The following KIF11 variants were observed in gnomAD, a reference collection of about 807,000 sequenced individuals.
KIF11 encodes kinesin-like protein KIF11.
A neutral mutation model predicts 121.0 loss-of-function variants in KIF11; 9 were observed. That is an observed-to-expected ratio of 0.07 (90% confidence interval 0.04 to 0.13). The LOEUF (loss-of-function observed/expected upper bound fraction) is 0.13, where lower values mean the gene tolerates loss of function less well. Ranked by LOEUF, KIF11 falls within the 10% of genes least tolerant of loss-of-function variation. The probability of loss-of-function intolerance (pLI) is 1.00; values close to 1 mark genes in which losing one functional copy is unlikely to be tolerated. For missense variants in KIF11, 846 were observed against 1,217.5 expected, an observed-to-expected ratio of 0.69 and a Z score of 4.54; for synonymous variants, 408 against 421.0, an observed-to-expected ratio of 0.97 and a Z score of 0.38.
chr10:92,630,893 G>T (rs1257860839), intron 12 of KIF11, among the ~76,000 whole-genome samples: 7 of 141,504 alleles, frequency 4.9e-5, no homozygotes, highest in Non-Finnish European at 1.1e-4. Flanking sequence ...AAAGAAAATA[G>T]AACATAACTT....
intron 1 of KIF11, among the ~76,000 whole-genome samples, chr10:92,596,189 G>T (rs1844293846): frequency 6.6e-6 from 1 of 152,174 alleles, no homozygotes; most frequent in African/African-American, 2.4e-5. Flanking sequence ...ATTTTTAGTA[G>T]AGACGGGGTT....
chr10:92,596,916 C>G (rs940331488), intron 1 of KIF11: 2 of 273,278 alleles, frequency 7.3e-6, no homozygotes, highest in African/African-American at 2.3e-5. Context: ...GCAGCCTGTT[C>G]TGTGCTATGT....
chr10:92,620,175 G>C (rs901500484), intron 9 of KIF11, among the ~76,000 whole-genome samples: 3 of 151,104 alleles, frequency 2.0e-5, no homozygotes, highest in Non-Finnish European at 4.4e-5. Context: ...TCACCTCCTG[G>C]GTTCACACCA....
intron 1 of KIF11, among the ~76,000 whole-genome samples, chr10:92,595,500 G>T (rs999694824): frequency 6.6e-6 from 1 of 151,952 alleles, no homozygotes; most frequent in African/African-American, 2.4e-5. Flanking sequence ...TACATAATGC[G>T]CTACTGGTTC....
chr10:92,611,865 C>T lies in KIF11; in HGVS notation c.699-1175C>T, dbSNP rs183267704. Among the ~76,000 whole-genome samples, 3 of 152,244 alleles carry T rather than the reference C, an allele frequency of 2.0e-5. No homozygotes were observed. In the East Asian group the frequency reaches 5.8e-4, roughly 29 times the overall value. ...AGTGAGCTGAGATCATGCCATTGCA[C>T]TCTAGCCTGGGCAATAAGTCTCAAA... On this transcript the variant is annotated intron_variant, in intron 6 of 21. Transcript: ENST00000260731.
intron 14 of KIF11, among the ~76,000 whole-genome samples, chr10:92,634,130 C>T (rs1844769186): frequency 6.6e-6 from 1 of 151,576 alleles, no homozygotes; most frequent in African/African-American, 2.4e-5. Flanking sequence ...ACTACAGGCG[C>T]CCACCACCAC....
chr10:92,610,533 G>C (rs189572007), intron 6 of KIF11, among the ~76,000 whole-genome samples: 6 of 152,150 alleles, frequency 3.9e-5, no homozygotes, highest in African/African-American at 1.4e-4. Context: ...AAACAGAAGT[G>C]GTTTTTTTGT....
At chr10:92,608,737 G>A (rs1395889236) in intron 4 of KIF11, among the ~76,000 whole-genome samples, 2 of 152,060 alleles carry the variant, frequency 1.3e-5, no homozygotes, top group African/African-American at 2.4e-5. Context: ...GTGCCTGGCC[G>A]AACTTGGCTT....
In KIF11 at chr10:92,649,545, A is replaced by G. The variant is rs192271581; in HGVS notation, c.2771-290A>G. The stretch of plus-strand genomic sequence containing the variant: ...ATAATGCTGCCATTTTTTTCAGAAC[A>G]CTATAACTCCTTTTAGAGCTTATAA... On this transcript the variant is annotated intron_variant, in intron 19 of 21. Transcript: ENST00000260731. Among the ~76,000 whole-genome samples the G allele has an allele frequency of 1.4e-3, 220 of 152,276 alleles. 1 individual carries two copies. Among genetic ancestry groups the G allele is most frequent in the Non-Finnish European group, 2.4e-3 (160 of 68,018 alleles).
At chr10:92,638,171 T>G (rs1476610384) in intron 16 of KIF11, among the ~76,000 whole-genome samples, 1 of 152,228 alleles carries the variant, frequency 6.6e-6, no homozygotes, top group African/African-American at 2.4e-5. Flanking sequence ...TCTAAAGTTT[T>G]ATTAAATGAG....
At chr10:92,648,503 G>A (rs1844945375) in intron 19 of KIF11, 69 bp downstream of exon 19, 2 of 998,362 alleles carry the variant, frequency 2.0e-6, no homozygotes, top group South Asian at 3.5e-5. Context: ...AGTGTCAGAT[G>A]TTCAGAAAAA....
rs766343259 is a variant in KIF11 at position 92,609,050 on chromosome 10, C to T, written c.418C>T (p.Leu140Phe). ...DPLAGIIPRT[L>F]HQIFEKLTDN... Reference sequence around the variant, plus strand: ...CTTGGCTGGTATAATTCCACGTACCCTTCATCAAATTTTTGAGAAACTTAC... The same window carrying T: ...CTTGGCTGGTATAATTCCACGTACCTTTCATCAAATTTTTGAGAAACTTAC... The change falls in exon 5 of 22, where the codon CTT becomes TTT. Residue 140 changes from leucine to phenylalanine, a missense_variant. Around this residue, in one of 5 missense-constraint regions of KIF11, gnomAD observed 140 missense variants for 193.5 expected, o/e 0.72. Coordinates refer to ENST00000260731, the MANE Select transcript of KIF11 (RefSeq NM_004523.4). 1.8e-5 allele frequency: 29 copies of T among 1,587,780 alleles called. No individual in the cohort carries two copies. In the Admixed American group the frequency reaches 5.1e-4, roughly 28 times the overall value.
At chr10:92,604,701 G>A (rs1216258145) in intron 1 of KIF11, among the ~76,000 whole-genome samples, 1 of 152,050 alleles carries the variant, frequency 6.6e-6, no homozygotes, top group Non-Finnish European at 1.5e-5. Flanking sequence ...AGTGATAAGG[G>A]GGAAATAATT....
At chr10:92,593,607 GT>G (rs1004042468) in intron 1 of KIF11, among the ~76,000 whole-genome samples, 155 bp downstream of exon 1, 2 of 152,208 alleles carry the variant, frequency 1.3e-5, no homozygotes, top group African/African-American at 4.8e-5. Context: ...CCCGGTTGCT[GT>G]GTGTATGTGG....
rs980260263 is a variant in KIF11, at chr10:92,653,966, T to C, written c.*170T>C. 6.3e-6 allele frequency: 3 copies of C among 477,450 alleles called. No individual in the cohort carries two copies. The highest frequency in any genetic ancestry group is 5.9e-5 in the African/African-American group (3 of 50,686). The allele number at this position is 477,450 out of a possible 1,614,324, so 29.6% of individuals were successfully genotyped here. ...TGGGAGGCTGAGGCGGGTGGATTGC[T>C]TGAGCCCAGGAGTTTGAGACCAGCC... is the stretch of plus-strand genomic sequence containing the variant. On this transcript the variant is annotated 3_prime_UTR_variant, in exon 22 of 22. Coordinates refer to ENST00000260731, the MANE Select transcript of KIF11 (RefSeq NM_004523.4).
Position 92,645,400 on chromosome 10 carries a change from A to G in KIF11, c.2305A>G (p.Ser769Gly), listed in dbSNP as rs771158445. The change falls in exon 18 of 22, where the codon AGT becomes GGT. Residue 769 changes from serine to glycine, a missense_variant. Around this residue, in one of 5 missense-constraint regions of KIF11, gnomAD observed 492 missense variants for 603.4 expected, o/e 0.82. Transcript: ENST00000260731. ...KDIVNKMTFH[S>G]QKFCADSDGF... ...TATAGTCAACAAAATGACTTTTCAC[A>G]GTCAAAAATTTTGTGCTGATTCTGA... 1.9e-6 allele frequency: 3 copies of G among 1,612,622 alleles called. No individual in the cohort carries two copies. The highest frequency in any genetic ancestry group is 2.2e-5 in the South Asian group (2 of 90,872).
intron 10 of KIF11, among the ~76,000 whole-genome samples, chr10:92,621,705 G>A (rs867848639): frequency 5.9e-5 from 9 of 152,086 alleles, no homozygotes; most frequent in African/African-American, 1.9e-4. Flanking sequence ...GGGCTCAAGC[G>A]ATCCTCCTGC....
rs941733376 is a variant in KIF11 at position 92,621,351 on chromosome 10, C to T, written c.1129-34C>T. 22 of 1,330,978 alleles carry T rather than the reference C, an allele frequency of 1.7e-5. No individual in the cohort carries two copies. The Admixed American group carries it at 2.7e-4, about 16-fold the overall frequency. 82.4% of individuals were successfully genotyped at this position (1,330,978 alleles called of 1,614,324 possible). The stretch of plus-strand genomic sequence containing the variant: ...CTTCCCAAACTGAATGAAAAAAGTA[C>T]TAAACTGACACCTACAACATTCCTC... On this transcript the variant is annotated intron_variant, in intron 9 of 21. Coordinates refer to ENST00000260731, the MANE Select transcript of KIF11 (RefSeq NM_004523.4).
chr10:92,623,635 A>G (rs1006173537), intron 10 of KIF11, among the ~76,000 whole-genome samples: 6 of 152,172 alleles, frequency 3.9e-5, no homozygotes, highest in Non-Finnish European at 5.9e-5. Context: ...ATGAATGTGT[A>G]AGATGCCCTA....
Sources: gnomAD v4.1 joint callset for allele counts (sites outside exome capture counted in the v4.1 genomes callset) on GRCh38, gnomAD v4.1.1 for gene constraint, gnomAD v4.1.1 regional missense constraint, MANE v1.5 for transcripts, NCBI Gene and HGNC (gene_info 2026-07-23, HGNC 2026-07-21) for gene names.